CDHR2: variants seen among roughly 807,000 people sequenced by gnomAD.
CDHR2 encodes the protein cadherin related family member 2.
CDHR2 carries 104 observed loss-of-function variants against 138.6 expected under a neutral mutation model. That is an observed-to-expected ratio of 0.75 (90% confidence interval 0.64 to 0.88). The LOEUF is 0.88. Ranked by LOEUF, CDHR2 falls within the 40% of genes least tolerant of loss-of-function variation. The pLI is 0.00. For missense variants in CDHR2, 1,624 were observed against 1,727.6 expected, an observed-to-expected ratio of 0.94 and a Z score of 1.06; for synonymous variants, 755 against 742.8, an observed-to-expected ratio of 1.02 and a Z score of -0.27.
chr5:176,574,211 C>T, intron 7 of CDHR2, 39 bp downstream of exon 7: 1 of 1,436,214 alleles, frequency 7.0e-7, no homozygotes. Context: ...TTGTGACCGC[C>T]AGGGGGCAGC....
intron 17 of CDHR2, 125 bp downstream of exon 17, chr5:176,581,707 A>G (rs1167161859): frequency 4.7e-6 from 6 of 1,286,064 alleles, no homozygotes; most frequent in Non-Finnish European, 6.5e-6. Flanking sequence ...GCTCACTCGT[A>G]TGGCCCCAGG....
At chr5:176,562,589 T>C (rs1209001752) in intron 1 of CDHR2, among the ~76,000 whole-genome samples, 1 of 152,046 alleles carries the variant, frequency 6.6e-6, no homozygotes, top group Non-Finnish European at 1.5e-5. Flanking sequence ...GAAAGGGACA[T>C]GAAGAGGTGC....
intron 31 of CDHR2, 119 bp downstream of exon 31, chr5:176,592,899 G>A: frequency 1.2e-6 from 1 of 843,510 alleles, no homozygotes; most frequent in Admixed American, 1.9e-5. Context: ...TCTGCACCAG[G>A]CCCCAGGAAG....
At chr5:176,546,273 G>A (rs891696399), upstream of CDHR2, among the ~76,000 whole-genome samples, 4 of 152,126 alleles carry the variant, frequency 2.6e-5, no homozygotes, top group African/African-American at 4.8e-5. Flanking sequence ...CTGTAATCTC[G>A]GGTGGTGATC....
chr5:176,567,144 G>C (rs1049810705), intron 3 of CDHR2: 1 of 383,116 alleles, frequency 2.6e-6, no homozygotes, highest in Non-Finnish European at 5.2e-6. Context: ...CTATCCCATG[G>C]AGGCTGGAGA....
Position 176,592,739 on chromosome 5 carries a change from G to T in CDHR2, c.3751G>T (p.Asp1251Tyr). The T allele has an allele frequency of 6.2e-7, 1 of 1,613,802 alleles. No homozygotes were observed. Among genetic ancestry groups the T allele is most frequent in the Non-Finnish European group, 8.5e-7 (1 of 1,179,824 alleles). ...CTCTTACAGCGTCAACTCCCTGGAC[G>T]ACAACTCTGTGGATGTGGACAAGAA... is the stretch of plus-strand genomic sequence containing the variant. ...LDSVSVNSLD[D>Y]NSVDVDKNSQ... Residue 1251 changes from aspartate (D) to tyrosine (Y), a missense_variant, in exon 31 of 32, where the codon GAC becomes TAC. By Grantham distance (160) the Asp-to-Tyr change is radical. Transcript: ENST00000261944.
At position 176,575,303 on chromosome 5, in the gene CDHR2, C is replaced by T. The variant is rs1758343560; in HGVS notation, c.645C>T (p.Asn215=). The T allele has an allele frequency of 1.2e-6, 2 of 1,614,264 alleles. No individual in the cohort carries two copies. Among genetic ancestry groups the T allele is most frequent in the African/African-American group, 2.7e-5 (2 of 75,076 alleles). ...KACDLGGMYH[N]TFTIQCSLPV... Reference sequence around the variant, plus strand: ...AGGACTTGGGCGGCATGTACCACAACACCTTCACCATCCAGTGCTCCCTGC... The same window carrying T: ...AGGACTTGGGCGGCATGTACCACAATACCTTCACCATCCAGTGCTCCCTGC... Residue 215 remains asparagine (N), a synonymous_variant, in exon 9 of 32, where the codon AAC becomes AAT. Coordinates refer to ENST00000261944, the MANE Select transcript of CDHR2 (RefSeq NM_017675.6).
intron 17 of CDHR2, among the ~76,000 whole-genome samples, chr5:176,583,582 C>T (rs1758575249): frequency 6.6e-6 from 1 of 152,188 alleles, no homozygotes; most frequent in Admixed American, 6.5e-5. Context: ...ACAATAGTTG[C>T]AGGGCTCCAG....
Position 176,595,567 on chromosome 5 carries a change from T to C in CDHR2, c.3828T>C (p.Asp1276=), listed in dbSNP as rs1157583303. 1 of 1,611,902 alleles carries C rather than the reference T, an allele frequency of 6.2e-7. No individual in the cohort carries two copies. Among genetic ancestry groups the C allele is most frequent in the African/African-American group, 1.3e-5 (1 of 74,948 alleles). ...CACCACACACACCACCAGAGCCAGATCCAGAGCCCCTGAGCGTGGTCCTGT... is the reference window on the plus strand; with the variant it reads ...CACCACACACACCACCAGAGCCAGACCCAGAGCCCCTGAGCGTGGTCCTGT... ...HRPPHTPPEP[D]PEPLSVVLLG... Residue 1276 remains aspartate, a synonymous_variant, in exon 32 of 32, where the codon GAT becomes GAC. Coordinates refer to ENST00000261944, the MANE Select transcript of CDHR2 (RefSeq NM_017675.6).
Position 176,589,366 on chromosome 5 carries a change from C to T in CDHR2, c.3045C>T (p.Thr1015=). The T allele has an allele frequency of 1.3e-6, 2 of 1,558,952 alleles. No individual in the cohort carries two copies. Among genetic ancestry groups the T allele is most frequent in the Non-Finnish European group, 8.7e-7 (1 of 1,151,816 alleles). The stretch of plus-strand genomic sequence containing the variant: ...GCCTCGACTCCACTCTCCAAGGCAC[C>T]TACCAAGTGACAGTCCAGGCCAGGG... The part of the protein sequence containing the change: ...VTSLDSTLQG[T]YQVTVQARDR... The change falls in exon 23 of 32, where the codon ACC becomes ACT. Residue 1015 remains threonine, a synonymous_variant. Transcript: ENST00000261944.
chr5:176,590,907 A>G (rs916600772), intron 28 of CDHR2, among the ~76,000 whole-genome samples: 2 of 152,190 alleles, frequency 1.3e-5, no homozygotes, highest in African/African-American at 4.8e-5. Context: ...AGTGCACTCA[A>G]GGAAGTAACA....
In CDHR2 at chr5:176,582,693, G is replaced by T. The variant is rs980575185; in HGVS notation, c.2058+1111G>T. On this transcript the variant is annotated intron_variant, in intron 17 of 31. Coordinates refer to ENST00000261944, the MANE Select transcript of CDHR2 (RefSeq NM_017675.6). The stretch of plus-strand genomic sequence containing the variant: ...GCTACTTGGAAGGCTGAGGCAGGTG[G>T]ATCATTTCAGCCCAGGAGGTTGAGG... Among the ~76,000 whole-genome samples the T allele has an allele frequency of 3.9e-5, 6 of 152,276 alleles. No individual in the cohort carries two copies. In the East Asian group the frequency reaches 7.7e-4, roughly 20 times the overall value.
chr5:176,574,222 A>T (rs769261111), intron 7 of CDHR2, 50 bp downstream of exon 7: 2 of 1,355,052 alleles, frequency 1.5e-6, no homozygotes, highest in South Asian at 2.3e-5. Context: ...AGGGGGCAGC[A>T]TCTCCACAGA....
intron 6 of CDHR2, among the ~76,000 whole-genome samples, chr5:176,573,073 C>T (rs1758273256): frequency 6.6e-6 from 1 of 152,098 alleles, no homozygotes; most frequent in Non-Finnish European, 1.5e-5. Flanking sequence ...ACCTGAATGG[C>T]AAGAAGGAGC....
chr5:176,554,892 G>T (rs957709149), intron 1 of CDHR2, among the ~76,000 whole-genome samples: 1 of 152,274 alleles, frequency 6.6e-6, no homozygotes, highest in South Asian at 2.1e-4. Flanking sequence ...GACCTCAAGT[G>T]ATCTGCCCGC....
At position 176,543,403 on chromosome 5, in the gene CDHR2, C is replaced by T. The variant is rs1340787085; in HGVS notation, c.-16+634C>T. 3 of 150,878 alleles carry T rather than the reference C, an allele frequency of 2.0e-5. No individual in the cohort carries two copies. Among genetic ancestry groups the T allele is most frequent in the Admixed American group, 1.3e-4 (2 of 15,172 alleles). 9.3% of individuals were successfully genotyped at this position (150,878 alleles called of 1,614,324 possible). On this transcript the variant is annotated intron_variant, in intron 1 of 31. Transcript: ENST00000510636. The surrounding 1 kb of genome is among the most constrained non-coding windows in gnomAD (Gnocchi z 4.0). ...CGGTGCAGGGGAACCGTCCGCGGAC[C>T]TCACCACCCGGGCGCGCGGGGCCCA...
intron 3 of CDHR2, among the ~76,000 whole-genome samples, chr5:176,566,321 C>T (rs375420643): frequency 1.2e-4 from 18 of 152,144 alleles, no homozygotes; most frequent in African/African-American, 2.2e-4. Context: ...GCAATGGTCA[C>T]GGCAAAAGTC....
Position 176,590,548 on chromosome 5 carries a change from C to T in CDHR2, c.3415-15C>T, listed in dbSNP as rs4868662. The T allele has an allele frequency of 0.4, 650,137 of 1,613,610 alleles. 138,993 individuals carry two copies. The highest frequency in any genetic ancestry group is 0.44 in the Non-Finnish European group (521,350 of 1,179,844). ...TGAAGACGAGTGTGCTTCCCTCACA[C>T]TCATCTTTCTCCAGGGCTCCCAGGA... On this transcript the variant is annotated splice_polypyrimidine_tract_variant and intron_variant, in intron 27 of 31. Coordinates refer to ENST00000261944, the MANE Select transcript of CDHR2 (RefSeq NM_017675.6).
intron 20 of CDHR2, among the ~76,000 whole-genome samples, chr5:176,586,470 A>G (rs971216970): frequency 6.6e-6 from 1 of 152,246 alleles, no homozygotes; most frequent in Non-Finnish European, 1.5e-5. Flanking sequence ...TGCTGGGATT[A>G]TAGGCATGAG....
Sources: gnomAD v4.1 joint callset for allele counts (sites outside exome capture counted in the v4.1 genomes callset) on GRCh38, gnomAD v4.1.1 for gene constraint, Gnocchi (gnomAD v3.1) non-coding constraint, MANE v1.5 for transcripts, NCBI Gene and HGNC (gene_info 2026-07-23, HGNC 2026-07-21) for gene names.